The following STK32C variants were observed in gnomAD, a reference collection of about 807,000 sequenced individuals.
STK32C encodes serine/threonine-protein kinase 32C.
Under a neutral mutation model 56.5 loss-of-function variants are expected in STK32C, and 31 were observed. The ratio of observed to expected loss-of-function variants is 0.55; its 90% CI spans 0.41 to 0.74. STK32C has a LOEUF of 0.74. STK32C is among the 30% of genes least tolerant of loss of function. STK32C has a pLI of 0.00. For synonymous variants in STK32C, 309 were observed against 289.4 expected, an observed-to-expected ratio of 1.07 and a Z score of -0.69; for missense variants, 544 against 676.9, an observed-to-expected ratio of 0.80 and a Z score of 2.18.
At chr10:132,209,434 C>T (rs955257894) in intron 10 of STK32C, 5 of 516,630 alleles carry the variant, frequency 9.7e-6, no homozygotes, top group Admixed American at 2.4e-5. Context: ...GGGCCTTTCC[C>T]GTCTCATACC....
chr10:132,310,114 C>A (rs1334626802), upstream of STK32C, among the ~76,000 whole-genome samples: 2 of 152,176 alleles, frequency 1.3e-5, no homozygotes, highest in African/African-American at 4.8e-5. This position sits in a 1 kb window ranked among gnomAD's most constrained non-coding sequence, Gnocchi z 4.6. Flanking sequence ...CTAGGGATAC[C>A]AAGTCCTGCA....
At chr10:132,251,161 C>G (rs1290350845) in intron 1 of STK32C, among the ~76,000 whole-genome samples, 1 of 152,198 alleles carries the variant, frequency 6.6e-6, no homozygotes, top group East Asian at 1.9e-4. Flanking sequence ...TGTGGTCACC[C>G]AACAGCAGGG....
chr10:132,224,463 C>A lies in STK32C; in HGVS notation c.937G>T (p.Val313Leu), dbSNP rs577074026. Residue 313 changes from valine (V) to leucine (L), a missense_variant, in exon 8 of 12, where the codon GTG becomes TTG. Val to Leu is a conservative substitution (Grantham distance 32). This residue lies in a region of STK32C where 277 missense variants were observed against 309.3 expected (regional missense o/e 0.90). Coordinates refer to ENST00000298630, the MANE Select transcript of STK32C (RefSeq NM_173575.4). ...CACGTGGGGACATACTGGACGCTCA[C>A]GGTGCTGAACAGCTGCACCAGGGAC... ...VESLVQLFSTVSVQYVPTWSK... is the reference protein window; with the variant it reads ...VESLVQLFSTLSVQYVPTWSK... The A allele has an allele frequency of 6.4e-7, 1 of 1,572,408 alleles. No homozygotes were observed. Among genetic ancestry groups the A allele is most frequent in the Admixed American group, 1.9e-5 (1 of 53,520 alleles).
intron 2 of STK32C, among the ~76,000 whole-genome samples, chr10:132,239,618 G>A (rs542834734): frequency 5.9e-5 from 9 of 152,322 alleles, no homozygotes; most frequent in Admixed American, 3.3e-4. Flanking sequence ...GCTGGAAAGT[G>A]GGGGCCATCT....
intron 1 of STK32C, among the ~76,000 whole-genome samples, chr10:132,316,078 T>C (rs1467326836): frequency 6.6e-6 from 1 of 152,170 alleles, no homozygotes; most frequent in Non-Finnish European, 1.5e-5. Context: ...TAAAAATCAG[T>C]TTTCTAAGTT....
chr10:132,315,012 T>C (rs1348479610), intron 1 of STK32C, among the ~76,000 whole-genome samples: 1 of 152,146 alleles, frequency 6.6e-6, no homozygotes, highest in Admixed American at 6.5e-5. Flanking sequence ...CGCATGTCTG[T>C]AATCCCAGCT....
At chr10:132,296,026 TG>T (rs2065735607) in intron 1 of STK32C, among the ~76,000 whole-genome samples, 1 of 150,552 alleles carries the variant, frequency 6.6e-6, no homozygotes, top group Non-Finnish European at 1.5e-5. Context: ...GGGGACGTCA[TG>T]GTGGAGACAC....
intron 1 of STK32C, among the ~76,000 whole-genome samples, chr10:132,286,103 G>A (rs2065396388): frequency 6.6e-6 from 1 of 151,520 alleles, no homozygotes; most frequent in South Asian, 2.1e-4. Context: ...TCCAGCCTGG[G>A]TGACGGAGCG....
At chr10:132,331,831 C>G (rs1172209934) in exon 1 of STK32C, 13 of 1,536,746 alleles carry the variant, frequency 8.5e-6, no homozygotes, top group Non-Finnish European at 1.1e-5. Context: ...TTCAAGGCCG[C>G]GGGCGCGGAA....
At chr10:132,302,805 G>A (rs1020322781) in intron 1 of STK32C, among the ~76,000 whole-genome samples, 6 of 152,134 alleles carry the variant, frequency 3.9e-5, no homozygotes, top group South Asian at 4.1e-4. Flanking sequence ...CCCAGCCCTC[G>A]GCAGCCCCTG....
chr10:132,226,816 C>T lies in STK32C; in HGVS notation c.623G>A (p.Arg208His), dbSNP rs767864333. 50 of 1,612,926 alleles carry T rather than the reference C, an allele frequency of 3.1e-5. No homozygotes were observed. Among genetic ancestry groups the T allele is most frequent in the South Asian group, 5.5e-5 (5 of 91,096 alleles). ...ACACCTGTGGATGATGTGCTGGCCG[C>T]GCAGGTAGTCCAGAGCCAGTGCCAT... ...CEMALALDYL[R>H]GQHIIHRDVK... The change falls in exon 4 of 12, where the codon CGC becomes CAC. Residue 208 changes from arginine (R) to histidine (H), a missense_variant. Physicochemically the swap from Arg to His is conservative, Grantham distance 29. Transcript: ENST00000298630.
In STK32C at chr10:132,255,136, T is replaced by G. The variant is rs2064062636; in HGVS notation, c.263-9181A>C. Reference sequence around the variant, plus strand: ...ACGTGGTTGAAACACACGCAGAAGTTGATTAAATGCCGTCTCGTCTCCTAT... The same window carrying G: ...ACGTGGTTGAAACACACGCAGAAGTGGATTAAATGCCGTCTCGTCTCCTAT... On this transcript the variant is annotated intron_variant, in intron 1 of 11. Coordinates refer to ENST00000298630, the MANE Select transcript of STK32C (RefSeq NM_173575.4). This position sits in a 1 kb window ranked among gnomAD's most constrained non-coding sequence, Gnocchi z 4.6. Among the ~76,000 whole-genome samples, 1 of 152,106 alleles carries G rather than the reference T, an allele frequency of 6.6e-6. No homozygotes were observed. Among genetic ancestry groups the G allele is most frequent in the Non-Finnish European group, 1.5e-5 (1 of 68,012 alleles).
chr10:132,285,039 A>C (rs1201374069), intron 1 of STK32C, among the ~76,000 whole-genome samples: 3 of 132,770 alleles, frequency 2.3e-5, no homozygotes, highest in Non-Finnish European at 3.2e-5. Flanking sequence ...TCCAAAGACC[A>C]GGCATGAACC....
chr10:132,324,729 C>T (rs1171159761), intron 1 of STK32C, among the ~76,000 whole-genome samples: 1 of 152,156 alleles, frequency 6.6e-6, no homozygotes, highest in Admixed American at 6.5e-5. Flanking sequence ...GACCATGGCC[C>T]AAGGCAGTCT....
chr10:132,219,945 G>C (rs966572518), intron 10 of STK32C, among the ~76,000 whole-genome samples: 1 of 151,560 alleles, frequency 6.6e-6, no homozygotes, highest in Non-Finnish European at 1.5e-5. Flanking sequence ...AGGGGCAAGG[G>C]GACCACCGAG....
chr10:132,238,478 A>G (rs4880244), intron 2 of STK32C, among the ~76,000 whole-genome samples: 1,701 of 152,294 alleles, frequency 0.011, 17 homozygotes, highest in Non-Finnish European at 0.017. Flanking sequence ...CCTCGGGAAA[A>G]GCAGGGAAAG....
intron 1 of STK32C, among the ~76,000 whole-genome samples, chr10:132,305,913 C>T (rs1036895871): frequency 2.0e-5 from 3 of 152,178 alleles, no homozygotes; most frequent in African/African-American, 4.8e-5. Context: ...CCAAGCCATA[C>T]GGAGCCAGCA....
chr10:132,313,909 G>A (rs765710674), intron 1 of STK32C, among the ~76,000 whole-genome samples: 2 of 152,178 alleles, frequency 1.3e-5, no homozygotes, highest in Non-Finnish European at 1.5e-5. Context: ...CCCATGCAGT[G>A]AACTTTGGCC....
chr10:132,225,953 G>A (rs529036797), intron 4 of STK32C, among the ~76,000 whole-genome samples, 169 bp from the exon 5 acceptor site: 12 of 152,352 alleles, frequency 7.9e-5, no homozygotes, highest in South Asian at 6.2e-4. Flanking sequence ...ACACCCCTGC[G>A]TGGGGGCAGA....
Sources: allele counts gnomAD v4.1 joint callset (sites outside exome capture counted in the v4.1 genomes callset), GRCh38; gene constraint gnomAD v4.1.1; regional missense constraint gnomAD v4.1.1; non-coding constraint Gnocchi (gnomAD v3.1); transcripts MANE v1.5; gene names NCBI Gene and HGNC (gene_info 2026-07-23, HGNC 2026-07-21).